TGFBR2: variants seen among roughly 807,000 people sequenced by gnomAD.
The protein encoded by TGFBR2 is transforming growth factor beta receptor 2.
In TGFBR2, 18 loss-of-function variants were observed where a neutral mutation model predicts 49.0. The observed-to-expected ratio is 0.37, with a 90% CI of 0.25 to 0.54. The LOEUF (loss-of-function observed/expected upper bound fraction) is 0.54. Ranked by LOEUF, TGFBR2 falls within the 20% of genes least tolerant of loss-of-function variation. TGFBR2 has a pLI of 0.85. For synonymous variants in TGFBR2, 282 were observed against 275.9 expected, an observed-to-expected ratio of 1.02 and a Z score of -0.22; for missense variants, 525 against 722.6, an observed-to-expected ratio of 0.73 and a Z score of 3.13.
intron 1 of TGFBR2, among the ~76,000 whole-genome samples, chr3:30,611,061 A>G (rs943479318): frequency 2.6e-5 from 4 of 152,220 alleles, no homozygotes; most frequent in Non-Finnish European, 4.4e-5. Flanking sequence ...CTCCTATGAG[A>G]TACAGACCTC....
chr3:30,663,735 A>C (rs1699188751), intron 3 of TGFBR2, among the ~76,000 whole-genome samples: 1 of 152,084 alleles, frequency 6.6e-6, no homozygotes, highest in Non-Finnish European at 1.5e-5. Flanking sequence ...TGGCCAGCAA[A>C]ATTATATTTT....
intron 3 of TGFBR2, among the ~76,000 whole-genome samples, chr3:30,657,217 G>A (rs1190927455): frequency 6.6e-6 from 1 of 152,172 alleles, no homozygotes; most frequent in Non-Finnish European, 1.5e-5. Flanking sequence ...TGGTGTGTTT[G>A]CTTTTTTATC....
At chr3:30,616,773 A>G (rs1698141381) in intron 1 of TGFBR2, among the ~76,000 whole-genome samples, 1 of 152,164 alleles carries the variant, frequency 6.6e-6, no homozygotes, top group African/African-American at 2.4e-5. Flanking sequence ...ATTGGAGATG[A>G]CTACTATTAA....
At chr3:30,639,923 T>G (rs1167794086) in intron 1 of TGFBR2, among the ~76,000 whole-genome samples, 1 of 152,222 alleles carries the variant, frequency 6.6e-6, no homozygotes, top group Non-Finnish European at 1.5e-5. Flanking sequence ...ATTTCAAAGA[T>G]TTGGACTAAG....
chr3:30,619,208 G>T (rs1168025921), intron 1 of TGFBR2, among the ~76,000 whole-genome samples: 1 of 152,030 alleles, frequency 6.6e-6, no homozygotes, highest in Non-Finnish European at 1.5e-5. Context: ...ATAACCATTT[G>T]GTTTTATTTT....
At chr3:30,628,422 A>C (rs2125458662) in intron 1 of TGFBR2, among the ~76,000 whole-genome samples, 1 of 136,386 alleles carries the variant, frequency 7.3e-6, no homozygotes, top group South Asian at 2.5e-4. Flanking sequence ...AATTTCACCC[A>C]CCTTGGTCAC....
At chr3:30,679,063 C>T (rs191123554) in intron 5 of TGFBR2, among the ~76,000 whole-genome samples, 32 of 152,280 alleles carry the variant, frequency 2.1e-4, no homozygotes, top group African/African-American at 6.0e-4. Context: ...ATTCTGTGTT[C>T]ATCACTTCAT....
intron 3 of TGFBR2, among the ~76,000 whole-genome samples, chr3:30,654,492 T>C (rs937071607): frequency 2.6e-5 from 4 of 152,214 alleles, no homozygotes; most frequent in African/African-American, 9.6e-5. Context: ...GGGTCTGCAC[T>C]GCACAACTGT....
Position 30,676,317 on chromosome 3 carries a change from T to C in TGFBR2, c.1396+2071T>C, listed in dbSNP as rs1337926880. Among the ~76,000 whole-genome samples, 1 of 152,226 alleles carries C rather than the reference T, an allele frequency of 6.6e-6. No homozygotes were observed. The highest frequency in any genetic ancestry group is 2.4e-5 in the African/African-American group (1 of 41,452). On this transcript the variant is annotated intron_variant, in intron 5 of 6. Coordinates refer to ENST00000295754, the MANE Select transcript of TGFBR2 (RefSeq NM_003242.6). This position sits in a 1 kb window ranked among gnomAD's most constrained non-coding sequence, Gnocchi z 4.3. ...ACCTGTTTAGCAAAGGTACTAGAACTTTCTTATTCATCATTTACCCACTAA... is the reference window on the plus strand; with the variant it reads ...ACCTGTTTAGCAAAGGTACTAGAACCTTCTTATTCATCATTTACCCACTAA...
rs2125451658 is a variant in TGFBR2, at chr3:30,688,403, T to C, written c.1416T>C (p.Pro472=). ...TCACAGAAGTAAAAGATTATGAGCC[T>C]CCATTTGGTTCCAAGGTGCGGGAGC... ...NAVGEVKDYE[P]PFGSKVREHP... is the part of the protein sequence containing the mutation. Residue 472 remains proline (P), a synonymous_variant, in exon 6 of 7, where the codon CCT becomes CCC. Transcript: ENST00000295754. 1 of 1,614,204 alleles carries C rather than the reference T, an allele frequency of 6.2e-7. No homozygotes were observed. Among genetic ancestry groups the C allele is most frequent in the Non-Finnish European group, 8.5e-7 (1 of 1,180,008 alleles).
chr3:30,627,707 T>G (rs1025628151), intron 1 of TGFBR2, among the ~76,000 whole-genome samples: 1 of 151,822 alleles, frequency 6.6e-6, no homozygotes, highest in Non-Finnish European at 1.5e-5. Context: ...TGCAGGAAGT[T>G]CTATTGAACA....
At chr3:30,691,316 T>C (rs1699705073) in intron 6 of TGFBR2, 104 bp from the exon 7 acceptor site, 1 of 1,297,386 alleles carries the variant, frequency 7.7e-7, no homozygotes, top group Admixed American at 2.0e-5. Flanking sequence ...CAGGCACTTT[T>C]GGACCCTGCT....
chr3:30,673,173 A>G (rs11466518), intron 4 of TGFBR2, among the ~76,000 whole-genome samples: 4,155 of 152,264 alleles, frequency 0.027, 199 homozygotes, highest in African/African-American at 0.095. Flanking sequence ...TGTCCATGGC[A>G]GCGCACGCAG....
At chr3:30,689,205 TA>T (rs1699672967) in intron 6 of TGFBR2, among the ~76,000 whole-genome samples, 1 of 152,170 alleles carries the variant, frequency 6.6e-6, no homozygotes, top group African/African-American at 2.4e-5. Flanking sequence ...TCTGGACTCA[TA>T]AAGAGGCTGA....
intron 1 of TGFBR2, among the ~76,000 whole-genome samples, chr3:30,634,326 A>G (rs1698488195): frequency 6.6e-6 from 1 of 152,228 alleles, no homozygotes; most frequent in South Asian, 2.1e-4. Context: ...GTACTTTGAG[A>G]TAAAGAATTG....
rs755317450 is a variant in TGFBR2 at position 30,671,958 on chromosome 3, T to C, written c.775T>C (p.Tyr259His). The change falls in exon 4 of 7, where the codon TAT (tyrosine) becomes CAT (histidine). Residue 259 changes from tyrosine to histidine, a missense_variant. Coordinates refer to ENST00000295754, the MANE Select transcript of TGFBR2 (RefSeq NM_003242.6). ...GGGGAAAGGTCGCTTTGCTGAGGTC[T>C]ATAAGGCCAAGCTGAAGCAGAACAC... The part of the protein sequence containing the change: ...LVGKGRFAEV[Y>H]KAKLKQNTSE... 1 of 1,614,158 alleles carries C rather than the reference T, an allele frequency of 6.2e-7. No individual in the cohort carries two copies. Among genetic ancestry groups the C allele is most frequent in the South Asian group, 1.1e-5 (1 of 91,082 alleles).
chr3:30,628,162 G>A (rs537317266), intron 1 of TGFBR2, among the ~76,000 whole-genome samples: 1 of 148,416 alleles, frequency 6.7e-6, no homozygotes, highest in South Asian at 2.1e-4. Context: ...ATCTTAAAAG[G>A]ATTATAAAAA....
chr3:30,615,613 G>C (rs1352151618), intron 1 of TGFBR2, among the ~76,000 whole-genome samples: 1 of 152,042 alleles, frequency 6.6e-6, no homozygotes, highest in Non-Finnish European at 1.5e-5. Context: ...CAAAGAGTGT[G>C]CAACCAAAAA....
intron 1 of TGFBR2, among the ~76,000 whole-genome samples, chr3:30,629,244 T>G (rs1343923411): frequency 6.6e-6 from 1 of 152,264 alleles, no homozygotes; most frequent in African/African-American, 2.4e-5. Context: ...TGATTTCATT[T>G]AACTTTAGTT....
Sources: gnomAD v4.1 joint callset for allele counts (sites outside exome capture counted in the v4.1 genomes callset) on GRCh38, gnomAD v4.1.1 for gene constraint, Gnocchi (gnomAD v3.1) non-coding constraint, MANE v1.5 for transcripts, NCBI Gene and HGNC (gene_info 2026-07-23, HGNC 2026-07-21) for gene names.